SRRM4: variants seen among roughly 807,000 people sequenced by gnomAD.
SRRM4 encodes the protein serine/arginine repetitive matrix protein 4.
Under a neutral mutation model 68.9 loss-of-function variants are expected in SRRM4, and 33 were observed. The ratio of observed to expected loss-of-function variants is 0.48; its 90% CI spans 0.36 to 0.64. The LOEUF (loss-of-function observed/expected upper bound fraction) is 0.64. Ranked by LOEUF, SRRM4 falls within the 30% of genes least tolerant of loss-of-function variation. The pLI, the probability that SRRM4 is intolerant of heterozygous loss-of-function variation, is 0.00. For synonymous variants in SRRM4, 318 were observed against 318.8 expected, an observed-to-expected ratio of 1.00 and a Z score of 0.03; for missense variants, 817 against 827.1, an observed-to-expected ratio of 0.99 and a Z score of 0.15.
intron 1 of SRRM4, among the ~76,000 whole-genome samples, chr12:119,006,195 A>AG (rs1348467580): frequency 6.6e-6 from 1 of 152,128 alleles, no homozygotes; most frequent in African/African-American, 2.4e-5. Context: ...TCTGTCTGAC[A>AG]TTTGGGCAGT....
In SRRM4 at chr12:119,075,914, A is replaced by ATGG. The variant is rs560093154; in HGVS notation, c.132-26320_132-26319insGTG. Reference sequence around the variant, plus strand: ...GATGATGGTAGCGATGATGGTGATGATGATGATGATGGTGGTGATGGTGAT... The same window carrying ATGG: ...GATGATGGTAGCGATGATGGTGATGATGGTGATGATGATGGTGGTGATGGTGAT... On this transcript the variant is annotated intron_variant, in intron 1 of 12. Transcript: ENST00000267260. 5.2e-3 allele frequency among the ~76,000 whole-genome samples: 538 copies of ATGG among 103,800 alleles called. 11 individuals are homozygous for ATGG. Among genetic ancestry groups the ATGG allele is most frequent in the African/African-American group, 0.019 (504 of 25,850 alleles). The allele number at this position is 103,800 out of a possible 152,430, so 68.1% of individuals were successfully genotyped here.
chr12:119,154,502 C>T lies in SRRM4; in HGVS notation c.1532+119C>T, dbSNP rs1019538101. 3.0e-5 allele frequency: 35 copies of T among 1,151,200 alleles called. No individual in the cohort carries two copies. Among genetic ancestry groups the T allele is most frequent in the African/African-American group, 1.2e-4 (8 of 64,290 alleles). 71.3% of individuals were successfully genotyped at this position (1,151,200 alleles called of 1,614,324 possible). A position where few individuals can be genotyped will look rare whatever the true frequency, so the allele number is the denominator to read the frequency against. ...GGGCTGGGATTTAGGATTGTGCGAG[C>T]TTATGGTCCCCCCAACCCCAACATC... On this transcript the variant is annotated intron_variant, in intron 12 of 12. Transcript: ENST00000267260. This position sits in a 1 kb window ranked among gnomAD's most constrained non-coding sequence, Gnocchi z 4.7.
chr12:119,137,674 A>G (rs1954339556), intron 8 of SRRM4, among the ~76,000 whole-genome samples: 1 of 151,362 alleles, frequency 6.6e-6, no homozygotes, highest in African/African-American at 2.4e-5. Context: ...TTGAGGGAGT[A>G]AAAAGGGAAA....
At chr12:119,069,808 G>A (rs561763807) in intron 1 of SRRM4, 1 of 152,168 alleles carries the variant, frequency 6.6e-6, no homozygotes, top group African/African-American at 2.4e-5. Flanking sequence ...TTAAGCTATG[G>A]CTCATGGCAA....
At chr12:119,012,478 C>T (rs1422336722) in intron 1 of SRRM4, among the ~76,000 whole-genome samples, 1 of 152,228 alleles carries the variant, frequency 6.6e-6, no homozygotes, top group Non-Finnish European at 1.5e-5. Flanking sequence ...CCATACTCAG[C>T]CTTTCCCCAC....
chr12:119,077,575 A>C (rs1224007881), intron 1 of SRRM4, among the ~76,000 whole-genome samples: 1 of 152,152 alleles, frequency 6.6e-6, no homozygotes, highest in East Asian at 1.9e-4. Flanking sequence ...CAAAATGTCA[A>C]CTATTATCAT....
At chr12:119,098,325 T>C (rs192504801) in intron 1 of SRRM4, among the ~76,000 whole-genome samples, 1 of 152,154 alleles carries the variant, frequency 6.6e-6, no homozygotes, top group Non-Finnish European at 1.5e-5. Flanking sequence ...AGAGAAGACA[T>C]GGATTGAGCA....
chr12:118,983,603 C>G (rs1953263844), intron 1 of SRRM4, among the ~76,000 whole-genome samples: 1 of 152,066 alleles, frequency 6.6e-6, no homozygotes, highest in Non-Finnish European at 1.5e-5. Flanking sequence ...GTAGAAGGAA[C>G]TAGAGGAAAT....
At chr12:119,050,563 C>T (rs1953736409) in intron 1 of SRRM4, among the ~76,000 whole-genome samples, 1 of 152,156 alleles carries the variant, frequency 6.6e-6, no homozygotes, top group South Asian at 2.1e-4. Context: ...AGTGTAAGAC[C>T]TTTAGGGGAG....
chr12:119,040,265 G>T (rs1426876378), intron 1 of SRRM4, among the ~76,000 whole-genome samples: 1 of 151,854 alleles, frequency 6.6e-6, no homozygotes, highest in African/African-American at 2.4e-5. Flanking sequence ...AAGTTCTTTA[G>T]TGGTGATTTG....
intron 1 of SRRM4, among the ~76,000 whole-genome samples, chr12:119,002,715 G>C (rs777309213): frequency 6.6e-6 from 1 of 152,054 alleles, no homozygotes; most frequent in Non-Finnish European, 1.5e-5. Flanking sequence ...ACAGTTCTCG[G>C]TTACCCTAGG....
intron 1 of SRRM4, chr12:119,031,099 TC>T (rs1434132072): frequency 3.3e-5 from 5 of 152,228 alleles, no homozygotes; most frequent in African/African-American, 1.2e-4. Context: ...TTAAGCTGGT[TC>T]CTCTGCTTCA....
chr12:119,130,866 C>T (rs1449167927), intron 8 of SRRM4, 32 bp downstream of exon 8: 1 of 1,587,040 alleles, frequency 6.3e-7, no homozygotes, highest in African/African-American at 1.3e-5. Context: ...CTCTGCCAGC[C>T]TTGGCCACGA....
intron 5 of SRRM4, among the ~76,000 whole-genome samples, chr12:119,121,334 CTACCAAATAGTGTG>C (rs1307217627): frequency 1.3e-5 from 2 of 152,198 alleles, no homozygotes; most frequent in African/African-American, 4.8e-5. Context: ...CTAGCTTAAA[CTACCAAATAGTGTG>C]TTCATCCTCC....
intron 1 of SRRM4, among the ~76,000 whole-genome samples, chr12:119,005,013 T>C (rs1241581014): frequency 6.6e-6 from 1 of 152,246 alleles, no homozygotes; most frequent in Non-Finnish European, 1.5e-5. Flanking sequence ...ACAGTTCCTG[T>C]GGCTTCAGAT....
At chr12:119,045,509 C>T (rs1462504565) in intron 1 of SRRM4, among the ~76,000 whole-genome samples, 1 of 140,312 alleles carries the variant, frequency 7.1e-6, no homozygotes, top group African/African-American at 2.6e-5. Context: ...AAAACACTCA[C>T]AGAGACACAC....
At chr12:119,069,515 C>T (rs1773194617) in intron 1 of SRRM4, 1 of 152,164 alleles carries the variant, frequency 6.6e-6, no homozygotes, top group South Asian at 2.1e-4. Flanking sequence ...GCTGAGCCAA[C>T]ATTTTAGAAC....
intron 1 of SRRM4, among the ~76,000 whole-genome samples, chr12:119,074,366 C>T (rs766433225): frequency 1.2e-4 from 18 of 152,130 alleles, no homozygotes; most frequent in South Asian, 6.2e-4. Flanking sequence ...AGAGGTTAAA[C>T]GGGGCAGAAG....
chr12:119,057,149 T>G (rs1265728189), intron 1 of SRRM4, among the ~76,000 whole-genome samples: 1 of 152,256 alleles, frequency 6.6e-6, no homozygotes, highest in Non-Finnish European at 1.5e-5. Context: ...CTTTCTTTTT[T>G]AAATTAGGTG....
Sources: gnomAD v4.1 joint callset for allele counts (sites outside exome capture counted in the v4.1 genomes callset) on GRCh38, gnomAD v4.1.1 for gene constraint, Gnocchi (gnomAD v3.1) non-coding constraint, MANE v1.5 for transcripts, NCBI Gene and HGNC (gene_info 2026-07-23, HGNC 2026-07-21) for gene names.